DNAJC1: variants seen among roughly 807,000 people sequenced by gnomAD.
The protein encoded by DNAJC1 is DnaJ heat shock protein family (Hsp40) member C1.
Under a neutral mutation model 76.6 loss-of-function variants are expected in DNAJC1, and 58 were observed. The ratio of observed to expected loss-of-function variants is 0.76; its 90% CI spans 0.61 to 0.94. DNAJC1 has a LOEUF of 0.94. DNAJC1 is among the 40% of genes least tolerant of loss of function. The pLI is 0.00. For synonymous variants in DNAJC1, 258 were observed against 267.9 expected (o/e 0.96, Z 0.36); for missense variants, 689 against 677.3 (o/e 1.02, Z -0.19).
chr10:21,799,858 A>G (rs1387662294), intron 9 of DNAJC1, among the ~76,000 whole-genome samples: 2 of 152,104 alleles, frequency 1.3e-5, no homozygotes, highest in Non-Finnish European at 2.9e-5. Flanking sequence ...TCAGTTCTAG[A>G]TTCAGAACCA....
intron 10 of DNAJC1, among the ~76,000 whole-genome samples, chr10:21,763,084 C>T (rs932776955): frequency 1.3e-5 from 2 of 152,120 alleles, no homozygotes; most frequent in Non-Finnish European, 2.9e-5. Flanking sequence ...GCATGGGCCA[C>T]AACACCCAAC....
chr10:21,915,846 A>C (rs1245984062), intron 6 of DNAJC1, among the ~76,000 whole-genome samples: 11 of 135,964 alleles, frequency 8.1e-5, no homozygotes, highest in East Asian at 6.2e-4. Flanking sequence ...CCCATCTCCC[A>C]AAAAAAAAAA....
chr10:21,798,789 C>T (rs1407633999), intron 9 of DNAJC1, among the ~76,000 whole-genome samples: 1 of 152,170 alleles, frequency 6.6e-6, no homozygotes, highest in Non-Finnish European at 1.5e-5. Flanking sequence ...CTCCACAGCT[C>T]CTTAGGGCAA....
chr10:21,773,769 G>C (rs1834418578), intron 9 of DNAJC1, among the ~76,000 whole-genome samples: 1 of 149,724 alleles, frequency 6.7e-6, no homozygotes, highest in Admixed American at 6.7e-5. Flanking sequence ...ATATCTTCCT[G>C]AAATGGCCTT....
intron 8 of DNAJC1, among the ~76,000 whole-genome samples, chr10:21,862,821 C>T (rs1189882184): frequency 1.3e-5 from 2 of 151,922 alleles, no homozygotes; most frequent in Non-Finnish European, 2.9e-5. Flanking sequence ...CCTAATCTTC[C>T]ACCTTAAGAA....
At chr10:21,862,317 C>A (rs926282572) in intron 8 of DNAJC1, among the ~76,000 whole-genome samples, 1 of 152,044 alleles carries the variant, frequency 6.6e-6, no homozygotes. Flanking sequence ...GGTCTAGGAT[C>A]TGGACCTCTT....
chr10:21,923,952 T>C (rs1342374831), intron 3 of DNAJC1, among the ~76,000 whole-genome samples: 1 of 152,032 alleles, frequency 6.6e-6, no homozygotes, highest in African/African-American at 2.4e-5. Flanking sequence ...ATTATGAAAA[T>C]GAATATTTAA....
intron 3 of DNAJC1, among the ~76,000 whole-genome samples, chr10:21,921,686 T>C (rs563269830): frequency 3.2e-4 from 49 of 152,120 alleles, no homozygotes; most frequent in African/African-American, 1.1e-3. Context: ...GAGAAGAACA[T>C]TAACAAGTAA....
intron 6 of DNAJC1, among the ~76,000 whole-genome samples, chr10:21,908,065 A>G (rs1207306465): frequency 8.5e-6 from 1 of 117,462 alleles, no homozygotes; most frequent in Non-Finnish European, 1.6e-5. Flanking sequence ...TATATAATAT[A>G]ATATACATAA....
chr10:21,988,470 CTT>C (rs1019091174), intron 1 of DNAJC1, among the ~76,000 whole-genome samples: 6 of 152,070 alleles, frequency 3.9e-5, no homozygotes, highest in Non-Finnish European at 8.8e-5. Flanking sequence ...TTTATCTTCT[CTT>C]ATAAATTTGA....
At chr10:21,954,628 A>G (rs1194880977) in intron 1 of DNAJC1, among the ~76,000 whole-genome samples, 4 of 152,314 alleles carry the variant, frequency 2.6e-5, no homozygotes, top group African/African-American at 9.6e-5. Flanking sequence ...AATTACTAAG[A>G]TATCTTTATT....
intron 8 of DNAJC1, chr10:21,865,382 A>G (rs1245964578): frequency 6.6e-6 from 1 of 152,168 alleles, no homozygotes; most frequent in African/African-American, 2.4e-5. Context: ...ATAGAATATT[A>G]CTTAGCACAA....
At chr10:21,837,173 G>A (rs916960855) in intron 8 of DNAJC1, among the ~76,000 whole-genome samples, 2 of 151,920 alleles carry the variant, frequency 1.3e-5, no homozygotes, top group Admixed American at 1.3e-4. Context: ...TCGGCCTCCC[G>A]AGGTGCCGGG....
intron 9 of DNAJC1, among the ~76,000 whole-genome samples, chr10:21,774,442 T>C (rs1365310827): frequency 6.6e-6 from 1 of 152,182 alleles, no homozygotes; most frequent in East Asian, 1.9e-4. Context: ...CAGCCTTTCA[T>C]ACACATTGTT....
intron 9 of DNAJC1, among the ~76,000 whole-genome samples, chr10:21,781,724 A>C (rs1834530925): frequency 1.3e-5 from 2 of 148,710 alleles, no homozygotes; most frequent in Non-Finnish European, 3.0e-5. Flanking sequence ...GTCTCAAAAA[A>C]AAAAAAAAAA....
chr10:21,994,126 C>T (rs1269477797), intron 1 of DNAJC1, among the ~76,000 whole-genome samples: 1 of 152,138 alleles, frequency 6.6e-6, no homozygotes, highest in East Asian at 1.9e-4. Flanking sequence ...AAGTATTTAT[C>T]CGAGCTTGCT....
intron 3 of DNAJC1, among the ~76,000 whole-genome samples, chr10:21,923,375 A>T (rs558755881): frequency 1.3e-5 from 2 of 152,156 alleles, no homozygotes; most frequent in South Asian, 4.1e-4. Flanking sequence ...CAAAGTACAC[A>T]CAGACACTTT....
At chr10:21,991,617 T>C (rs1005615840) in intron 1 of DNAJC1, among the ~76,000 whole-genome samples, 3 of 152,162 alleles carry the variant, frequency 2.0e-5, no homozygotes, top group Admixed American at 1.3e-4. Flanking sequence ...CAATAGTCAG[T>C]GAAAAACAAT....
chr10:21,827,479 G>T (rs1190334375), intron 8 of DNAJC1, among the ~76,000 whole-genome samples: 1 of 152,180 alleles, frequency 6.6e-6, no homozygotes, highest in Admixed American at 6.5e-5. Flanking sequence ...CAGGAGGTTA[G>T]AAGTCAGAAA....
Sources: gnomAD v4.1 joint callset for allele counts (sites outside exome capture counted in the v4.1 genomes callset) on GRCh38, gnomAD v4.1.1 for gene constraint, MANE v1.5 for transcripts, NCBI Gene and HGNC (gene_info 2026-07-23, HGNC 2026-07-21) for gene names.